ZNF71: variants seen among roughly 807,000 people sequenced by gnomAD.
ZNF71 encodes the protein zinc finger protein 71, also known as endothelial zinc finger protein induced by tumor necrosis factor alpha.
A neutral mutation model predicts 6.7 loss-of-function variants in ZNF71; 3 were observed. The ratio of observed to expected loss-of-function variants is 0.45; its 90% confidence interval spans 0.20 to 1.16. ZNF71 has a LOEUF of 1.16. ZNF71 is among the 50% of genes most tolerant of loss of function. ZNF71 has a pLI of 0.25. For missense variants in ZNF71, 688 were observed against 728.6 expected (o/e 0.94, Z 0.64); for synonymous variants, 343 against 311.1 (o/e 1.10, Z -1.08).
At chr19:56,597,207 C>T (rs1368063550) in intron 1 of ZNF71, among the ~76,000 whole-genome samples, 1 of 152,160 alleles carries the variant, frequency 6.6e-6, no homozygotes, top group African/African-American at 2.4e-5. Context: ...TGCTCTGTGC[C>T]TACTGGGTAA....
In ZNF71 at chr19:56,621,524, G is replaced by A. The variant is rs753112521; in HGVS notation, c.417G>A (p.Lys139=). 1.9e-6 allele frequency: 3 copies of A among 1,614,168 alleles called. No homozygotes were observed. Among genetic ancestry groups the A allele is most frequent in the Non-Finnish European group, 2.5e-6 (3 of 1,180,034 alleles). The change falls in exon 4 of 4, where the codon AAG becomes AAA. Residue 139 remains lysine (K), a synonymous_variant. Transcript: ENST00000599599. ...GGSVPACHEL[K]AFANQGCVLV... is the part of the protein sequence containing the mutation. Reference sequence around the variant, plus strand: ...CAGTACCCGCATGTCATGAACTGAAGGCATTTGCCAACCAAGGCTGTGTCC... The same window carrying A: ...CAGTACCCGCATGTCATGAACTGAAAGCATTTGCCAACCAAGGCTGTGTCC...
At chr19:56,606,617 T>C (rs1025982548) in intron 2 of ZNF71, among the ~76,000 whole-genome samples, 4 of 152,142 alleles carry the variant, frequency 2.6e-5, no homozygotes, top group African/African-American at 7.2e-5. Context: ...GCTTCTTTGC[T>C]CACATGTCTG....
At chr19:56,615,421 G>A (rs939067804) in intron 3 of ZNF71, among the ~76,000 whole-genome samples, 5 of 152,108 alleles carry the variant, frequency 3.3e-5, no homozygotes, top group African/African-American at 9.7e-5. Context: ...TCATCACTGT[G>A]CTTTTCATTT....
chr19:56,617,112 G>GTTTTTTTTTTTTTTTTTTTTTTTTTTTTT (rs748784485), intron 3 of ZNF71, among the ~76,000 whole-genome samples: 3 of 140,646 alleles, frequency 2.1e-5, no homozygotes, highest in African/African-American at 2.8e-5. Context: ...ATTTTCTTTT[G>GTTTTTTTTTTTTTTTTTTTTTTTTTTTTT]TTTTTTTTTG....
intron 3 of ZNF71, 102 bp downstream of exon 3, chr19:56,614,040 A>G: frequency 2.0e-6 from 2 of 984,918 alleles, no homozygotes; most frequent in Non-Finnish European, 2.5e-6. Context: ...CTACATGGAA[A>G]GTTTTAAAAT....
In ZNF71 at chr19:56,622,106, C is replaced by T. The variant is rs1346842984; in HGVS notation, c.999C>T (p.Pro333=). Residue 333 remains proline, a synonymous_variant, in exon 4 of 4, where the codon CCC becomes CCT. Transcript: ENST00000599599. ...CCGGGGAGAAGCCGTACGTGTGCCC[C>T]GAGTGCGGGCGAGCCTTCAGCCAGA... ...THTGEKPYVC[P]ECGRAFSQNM... 1 of 1,610,654 alleles carries T rather than the reference C, an allele frequency of 6.2e-7. No homozygotes were observed. Among genetic ancestry groups the T allele is most frequent in the Non-Finnish European group, 8.5e-7 (1 of 1,178,496 alleles).
rs1409314489 is a variant in ZNF71, at chr19:56,622,063, T to A, written c.956T>A (p.Val319Glu). 2 of 1,607,330 alleles carry A rather than the reference T, an allele frequency of 1.2e-6. No homozygotes were observed. Among genetic ancestry groups the A allele is most frequent in the Non-Finnish European group, 1.7e-6 (2 of 1,177,664 alleles). ...TTCAGCCAGAACATGCACCTCATCG[T>A]GCACCAGCGCACGCACACCGGGGAG... ...KAFSQNMHLI[V>E]HQRTHTGEKP... The change falls in exon 4 of 4, where the codon GTG (valine) becomes GAG (glutamate). Residue 319 changes from valine to glutamate, a missense_variant. Transcript: ENST00000599599.
In ZNF71 at chr19:56,609,663, A is replaced by C. The variant is rs1174467784; in HGVS notation, c.34-4149A>C. 6.5e-5 allele frequency among the ~76,000 whole-genome samples: 9 copies of C among 139,014 alleles called. No homozygotes were observed. The East Asian group carries it at 1.7e-3, about 27-fold the overall frequency. The allele number at this position is 139,014 out of a possible 152,430, so 91.2% of individuals were successfully genotyped here. On this transcript the variant is annotated intron_variant, in intron 2 of 3. Transcript: ENST00000599599. Reference sequence around the variant, plus strand: ...GGATTTTGCCTGTTCTGGACATTGTACATAAATGAGCCATACGATATGGAT... The same window carrying C: ...GGATTTTGCCTGTTCTGGACATTGTCCATAAATGAGCCATACGATATGGAT...
chr19:56,607,754 T>A (rs1328907154), intron 2 of ZNF71, among the ~76,000 whole-genome samples: 1 of 152,216 alleles, frequency 6.6e-6, no homozygotes, highest in East Asian at 1.9e-4. Context: ...TGTAACAAGT[T>A]ACCCCCAAAC....
chr19:56,601,704 T>TCTGCCCTGATGAAGAGGGCTGTGC (rs2044672187), intron 2 of ZNF71, 113 bp downstream of exon 2: 1 of 673,224 alleles, frequency 1.5e-6, no homozygotes, highest in Non-Finnish European at 1.8e-6. Flanking sequence ...TGGGGCTGTG[T>TCTGCCCTGATGAAGAGGGCTGTGC]CTGCCCTGAT....
At position 56,603,103 on chromosome 19, in the gene ZNF71, G is replaced by A. The variant is rs1318262402; in HGVS notation, c.33+1512G>A. Among the ~76,000 whole-genome samples, 2 of 152,176 alleles carry A rather than the reference G, an allele frequency of 1.3e-5. No individual in the cohort carries two copies. Among genetic ancestry groups the A allele is most frequent in the African/African-American group, 4.8e-5 (2 of 41,428 alleles). On this transcript the variant is annotated intron_variant, in intron 2 of 3. Coordinates refer to ENST00000599599, the MANE Select transcript of ZNF71 (RefSeq NM_001370215.1). This position sits in a 1 kb window ranked among gnomAD's most constrained non-coding sequence, Gnocchi z 4.6. Reference sequence around the variant, plus strand: ...AGGTACACATCACGTATCACAAAGTGTACAATTCACTGATTTTGGGTACAT... The same window carrying A: ...AGGTACACATCACGTATCACAAAGTATACAATTCACTGATTTTGGGTACAT...
chr19:56,611,093 G>A (rs549889261), intron 2 of ZNF71, among the ~76,000 whole-genome samples: 59 of 152,328 alleles, frequency 3.9e-4, no homozygotes, highest in African/African-American at 1.4e-3. Context: ...TGAATAAGAA[G>A]GAGCCAGCTT....
At chr19:56,601,724 T>G (rs1223235040) in intron 2 of ZNF71, 133 bp downstream of exon 2, 1 of 544,480 alleles carries the variant, frequency 1.8e-6, no homozygotes, top group Non-Finnish European at 2.3e-6. Flanking sequence ...TGAAGAGGGC[T>G]GTGCTTATAG....
At position 56,621,881 on chromosome 19, in the gene ZNF71, C is replaced by T; in HGVS notation, c.774C>T (p.Arg258=). The change falls in exon 4 of 4, where the codon CGC becomes CGT. Residue 258 remains arginine (R), a synonymous_variant. Coordinates refer to ENST00000599599, the MANE Select transcript of ZNF71 (RefSeq NM_001370215.1). ...CGDCGKAFSQ[R]MNLTVHQRTH... The stretch of plus-strand genomic sequence containing the variant: ...ACTGCGGCAAGGCCTTCAGCCAGCG[C>T]ATGAACCTCACTGTGCACCAGCGCA... The T allele has an allele frequency of 1.2e-6, 2 of 1,611,888 alleles. No homozygotes were observed. Among genetic ancestry groups the T allele is most frequent in the Non-Finnish European group, 1.7e-6 (2 of 1,178,176 alleles).
chr19:56,609,072 G>A (rs2044730770), intron 2 of ZNF71, among the ~76,000 whole-genome samples: 1 of 152,178 alleles, frequency 6.6e-6, no homozygotes, highest in Admixed American at 6.5e-5. Flanking sequence ...GGATTATCTT[G>A]TTGGGATAGA....
intron 2 of ZNF71, among the ~76,000 whole-genome samples, chr19:56,602,125 A>C (rs1160453280): frequency 1.3e-5 from 2 of 152,196 alleles, no homozygotes; most frequent in Non-Finnish European, 2.9e-5. Context: ...CACATCATTA[A>C]AAACTCCTTT....
intron 2 of ZNF71, among the ~76,000 whole-genome samples, chr19:56,609,785 T>A (rs1868931892): frequency 1.3e-5 from 2 of 148,216 alleles, no homozygotes; most frequent in Admixed American, 1.3e-4. Context: ...ATATGGATTT[T>A]GCCTGTTCCG....
rs11668407 is a variant in ZNF71, at chr19:56,603,830, A to T, written c.33+2239A>T. 0.3 allele frequency among the ~76,000 whole-genome samples: 43,682 copies of T among 144,254 alleles called. 8,082 individuals carry two copies. The highest frequency in any genetic ancestry group is 0.41 in the Non-Finnish European group (27,617 of 67,328). 94.6% of individuals were successfully genotyped at this position (144,254 alleles called of 152,430 possible). On this transcript the variant is annotated intron_variant, in intron 2 of 3. Transcript: ENST00000599599. The surrounding 1 kb of genome is among the most constrained non-coding windows in gnomAD (Gnocchi z 4.6). Reference sequence around the variant, plus strand: ...ACTAGTGTAATTACATTCAATTTTTAAAAAAAATTGAGCCTGTCTGGTTTC... The same window carrying T: ...ACTAGTGTAATTACATTCAATTTTTTAAAAAAATTGAGCCTGTCTGGTTTC...
rs763304877 is a variant in ZNF71, at chr19:56,622,732, C to T, written c.1625C>T (p.Thr542Met). The change falls in exon 4 of 4, where the codon ACG (threonine) becomes ATG (methionine). Residue 542 changes from threonine (T) to methionine (M), a missense_variant. By Grantham distance (81) the Thr-to-Met change is moderately conservative. Transcript: ENST00000599599. Reference sequence around the variant, plus strand: ...ACCTTCAGCCGCAACACGAACCTGACGCGCCACCTGCGGATTCACACCTGA... The same window carrying T: ...ACCTTCAGCCGCAACACGAACCTGATGCGCCACCTGCGGATTCACACCTGA... Reference protein sequence around the residue: ...GKTFSRNTNLTRHLRIHT With the variant: ...GKTFSRNTNLMRHLRIHT 8.1e-6 allele frequency: 13 copies of T among 1,606,618 alleles called. No homozygotes were observed. The South Asian group carries it at 1.1e-4, about 14-fold the overall frequency.
Sources: allele counts gnomAD v4.1 joint callset (sites outside exome capture counted in the v4.1 genomes callset), GRCh38; gene constraint gnomAD v4.1.1; non-coding constraint Gnocchi (gnomAD v3.1); transcripts MANE v1.5; gene names NCBI Gene and HGNC (gene_info 2026-07-23, HGNC 2026-07-21).